Variants in TENM1 observed in about 807,000 individuals in gnomAD.
The protein encoded by TENM1 is teneurin-1.
In TENM1, 35 loss-of-function variants were observed where a neutral mutation model predicts 174.8. The ratio of observed to expected loss-of-function variants is 0.20; its 90% CI spans 0.15 to 0.27. TENM1 has a LOEUF of 0.27. Among genes scored for constraint, TENM1 ranks in the 10% least tolerant of loss-of-function variants. The pLI is 1.00. For missense variants in TENM1, 1,633 were observed against 2,130.1 expected (o/e 0.77, Z 4.59); for synonymous variants, 781 against 798.7 (o/e 0.98, Z 0.37).
At chrX:124,463,030 A>C (rs1481132563) in intron 22 of TENM1, among the ~76,000 whole-genome samples, 1 of 111,994 alleles carries the variant, frequency 8.9e-6, no homozygotes, top group East Asian at 2.8e-4. Flanking sequence ...AACTGCAAAC[A>C]AATGTGATCC....
At chrX:124,608,796 T>C (rs1179722694) in intron 11 of TENM1, among the ~76,000 whole-genome samples, 2 of 102,719 alleles carry the variant, frequency 1.9e-5, no homozygotes, top group Non-Finnish European at 4.1e-5. Context: ...TTTTTTTTTT[T>C]CATTTTAGGA....
At chrX:124,667,455 T>C (rs1323357921) in intron 6 of TENM1, among the ~76,000 whole-genome samples, 1 of 109,696 alleles carries the variant, frequency 9.1e-6, no homozygotes, top group Non-Finnish European at 1.9e-5. Context: ...CTGGATGTGG[T>C]GGTGGGCACC....
intron 3 of TENM1, among the ~76,000 whole-genome samples, chrX:124,886,509 G>A (rs916185475): frequency 2.2e-4 from 20 of 89,403 alleles, no homozygotes; most frequent in Non-Finnish European, 3.7e-4. Flanking sequence ...AGTACTGCTA[G>A]CAAAAACATA....
the TENM1 span, among the ~76,000 whole-genome samples, chrX:125,181,017 C>G: frequency 1.8e-5 from 2 of 111,854 alleles, no homozygotes; most frequent in African/African-American, 3.3e-5. Flanking sequence ...CTCATTCCCC[C>G]CTACCAGATG....
chrX:124,844,656 A>G (rs1379303395), intron 3 of TENM1, among the ~76,000 whole-genome samples: 1 of 111,896 alleles, frequency 8.9e-6, no homozygotes, highest in Non-Finnish European at 1.9e-5. Flanking sequence ...ATGTTGAGAA[A>G]TAATATGTCA....
At chrX:124,941,291 G>A (rs1408807596) in intron 1 of TENM1, among the ~76,000 whole-genome samples, 1 of 111,423 alleles carries the variant, frequency 9.0e-6, no homozygotes, top group African/African-American at 3.3e-5. Flanking sequence ...TACTTAACGA[G>A]ACCTTTTTTT....
intron 13 of TENM1, among the ~76,000 whole-genome samples, chrX:124,562,377 C>A (rs1222842323): frequency 8.9e-6 from 1 of 112,142 alleles, no homozygotes; most frequent in Non-Finnish European, 1.9e-5. Context: ...CAGCTTTTCT[C>A]TTCAAGATTA....
intron 3 of TENM1, among the ~76,000 whole-genome samples, chrX:124,761,515 G>A (rs368452826): frequency 2.2e-5 from 2 of 90,984 alleles, no homozygotes; most frequent in Non-Finnish European, 4.3e-5. Flanking sequence ...GACACAGAGC[G>A]GGGAACATCA....
the TENM1 span, among the ~76,000 whole-genome samples, chrX:125,007,687 C>T: frequency 8.9e-6 from 1 of 111,925 alleles, no homozygotes; most frequent in Non-Finnish European, 1.9e-5. Context: ...CAGCAGACCT[C>T]TCAGCAGAAA....
At chrX:124,858,372 A>G (rs765626951) in intron 3 of TENM1, among the ~76,000 whole-genome samples, 2 of 111,533 alleles carry the variant, frequency 1.8e-5, no homozygotes, top group African/African-American at 6.5e-5. Context: ...CTCTTCCACC[A>G]CTTGGCACTT....
At chrX:125,160,400 T>C in the TENM1 span, among the ~76,000 whole-genome samples, 1 of 104,322 alleles carries the variant, frequency 9.6e-6, no homozygotes, top group African/African-American at 3.5e-5. Flanking sequence ...TGGTAGCGCA[T>C]GCCTGTAATC....
At chrX:125,006,771 G>A in the TENM1 span, among the ~76,000 whole-genome samples, 1 of 111,510 alleles carries the variant, frequency 9.0e-6, no homozygotes, top group South Asian at 3.8e-4. Flanking sequence ...CCTGCAGAAG[G>A]GGGGCTTGAC....
At chrX:124,442,583 G>T (rs968911184) in intron 23 of TENM1, among the ~76,000 whole-genome samples, 1 of 112,150 alleles carries the variant, frequency 8.9e-6, no homozygotes, top group Admixed American at 9.4e-5. Flanking sequence ...ACATGAAAGG[G>T]TTGGCAAGGG....
At chrX:124,779,792 C>T (rs191038905) in intron 3 of TENM1, among the ~76,000 whole-genome samples, 10 of 111,541 alleles carry the variant, frequency 9.0e-5, no homozygotes, top group Non-Finnish European at 1.5e-4. Flanking sequence ...ACCATATAAT[C>T]TCTAATTCTC....
intron 3 of TENM1, among the ~76,000 whole-genome samples, chrX:124,743,801 T>C (rs1284645857): frequency 8.9e-6 from 1 of 112,051 alleles, no homozygotes; most frequent in African/African-American, 3.2e-5. Flanking sequence ...CTATGATCCT[T>C]TGACATGTTT....
At chrX:124,818,088 G>A (rs2055947252) in intron 3 of TENM1, among the ~76,000 whole-genome samples, 1 of 110,335 alleles carries the variant, frequency 9.1e-6, no homozygotes, top group African/African-American at 3.3e-5. Context: ...TTAAAAAATT[G>A]AAATGTAACG....
intron 22 of TENM1, among the ~76,000 whole-genome samples, chrX:124,464,143 G>C (rs1416748309): frequency 1.8e-5 from 2 of 111,035 alleles, no homozygotes; most frequent in African/African-American, 6.5e-5. Context: ...AACTGTCGCT[G>C]TCATCCTAAG....
chrX:124,607,946 G>A (rs2050197901), intron 11 of TENM1, among the ~76,000 whole-genome samples: 1 of 111,267 alleles, frequency 9.0e-6, no homozygotes, highest in Admixed American at 9.6e-5. Context: ...AGATATGCAA[G>A]ATAATGATGA....
chrX:124,986,243 T>C, the TENM1 span, among the ~76,000 whole-genome samples: 1 of 111,727 alleles, frequency 9.0e-6, no homozygotes, highest in Non-Finnish European at 1.9e-5. Context: ...TCACAGCATA[T>C]ACACTTGAAC....
Sources: gnomAD v4.1 joint callset for allele counts (sites outside exome capture counted in the v4.1 genomes callset) on GRCh38, gnomAD v4.1.1 for gene constraint, MANE v1.5 for transcripts, NCBI Gene and HGNC (gene_info 2026-07-23, HGNC 2026-07-21) for gene names.